SLC47A1: variants seen among roughly 807,000 people sequenced by gnomAD.
The protein encoded by SLC47A1 is solute carrier family 47 member 1.
In SLC47A1, 58 loss-of-function variants were observed where a neutral mutation model predicts 65.8. That is an observed-to-expected ratio of 0.88 (90% CI 0.71 to 1.10). SLC47A1 has a LOEUF of 1.10. Ranked by LOEUF, SLC47A1 falls within the 50% of genes least tolerant of loss-of-function variation. The probability of loss-of-function intolerance (pLI) is 0.00; values close to 1 mark genes in which losing one functional copy is unlikely to be tolerated. For missense variants in SLC47A1, 706 were observed against 719.2 expected (o/e 0.98, Z 0.21); for synonymous variants, 285 against 295.0 (o/e 0.97, Z 0.35).
chr17:19,547,863 C>T, intron 3 of SLC47A1, 122 bp from the exon 4 acceptor site: 4 of 1,059,948 alleles, frequency 3.8e-6, no homozygotes, highest in Non-Finnish European at 5.3e-6. Context: ...GCTGGGATTA[C>T]AGGCGTGAGC....
At chr17:19,565,686 T>C (rs761337097) in intron 12 of SLC47A1, among the ~76,000 whole-genome samples, 50 of 150,178 alleles carry the variant, frequency 3.3e-4, no homozygotes, top group Non-Finnish European at 6.3e-4. Context: ...GTTCACGCCA[T>C]TCTCCTGTCT....
chr17:19,575,812 C>A (rs1456865728), intron 16 of SLC47A1, among the ~76,000 whole-genome samples: 1 of 152,118 alleles, frequency 6.6e-6, no homozygotes, highest in Non-Finnish European at 1.5e-5. Context: ...CGATGGTTCA[C>A]TGAAAAATCA....
At chr17:19,575,589 C>G (rs1344281781) in intron 16 of SLC47A1, among the ~76,000 whole-genome samples, 1 of 151,964 alleles carries the variant, frequency 6.6e-6, no homozygotes, top group African/African-American at 2.4e-5. Flanking sequence ...TTGTAGAGAC[C>G]AGGTCTTGCT....
At chr17:19,534,728 G>A (rs925767465) in intron 1 of SLC47A1, 4 of 152,192 alleles carry the variant, frequency 2.6e-5, no homozygotes, top group African/African-American at 9.7e-5. Context: ...GGGTTTTAAT[G>A]TGGTTCTTTG....
At chr17:19,558,420 G>T (rs1345933387) in intron 10 of SLC47A1, among the ~76,000 whole-genome samples, 2 of 152,038 alleles carry the variant, frequency 1.3e-5, no homozygotes, top group Non-Finnish European at 2.9e-5. Context: ...ATCTGTCTCA[G>T]TGTTGGTGAT....
intron 2 of SLC47A1, among the ~76,000 whole-genome samples, chr17:19,546,166 G>A (rs1233165289): frequency 6.6e-6 from 1 of 152,102 alleles, no homozygotes; most frequent in Non-Finnish European, 1.5e-5. Flanking sequence ...GTTGCAGTGA[G>A]CCGAGATCGC....
At chr17:19,539,302 G>A (rs1190184282) in intron 1 of SLC47A1, among the ~76,000 whole-genome samples, 1 of 152,154 alleles carries the variant, frequency 6.6e-6, no homozygotes, top group Non-Finnish European at 1.5e-5. Flanking sequence ...GACATCTAGC[G>A]GAACAGGCCT....
At chr17:19,538,500 G>A (rs906473825) in intron 1 of SLC47A1, among the ~76,000 whole-genome samples, 1 of 152,242 alleles carries the variant, frequency 6.6e-6, no homozygotes, top group Non-Finnish European at 1.5e-5. Flanking sequence ...CCATTGCAAA[G>A]CTGAAAAATT....
At chr17:19,541,874 C>T (rs1482944509) in intron 1 of SLC47A1, among the ~76,000 whole-genome samples, 1 of 152,182 alleles carries the variant, frequency 6.6e-6, no homozygotes, top group Non-Finnish European at 1.5e-5. Flanking sequence ...CGCCTGTAAT[C>T]CCAGCACTTT....
chr17:19,566,145 ACT>A (rs1216238572), intron 12 of SLC47A1, among the ~76,000 whole-genome samples: 1 of 152,064 alleles, frequency 6.6e-6, no homozygotes, highest in Non-Finnish European at 1.5e-5. Context: ...TACTGTTGTT[ACT>A]CTCTTACTGT....
chr17:19,540,735 C>T (rs760071505), intron 1 of SLC47A1, among the ~76,000 whole-genome samples: 2 of 152,150 alleles, frequency 1.3e-5, no homozygotes, highest in African/African-American at 4.8e-5. Context: ...GCGCTCCTCA[C>T]GTTCAGTAGC....
chr17:19,534,453 T>C (rs1315711413), intron 1 of SLC47A1: 1 of 190,356 alleles, frequency 5.3e-6, no homozygotes, highest in Non-Finnish European at 1.1e-5. Context: ...GTGCCTTCTC[T>C]GGGAGCTGAT....
intron 12 of SLC47A1, among the ~76,000 whole-genome samples, chr17:19,563,225 C>T (rs184651839): frequency 7.1e-4 from 105 of 147,768 alleles, no homozygotes; most frequent in Admixed American, 1.6e-3. Flanking sequence ...CTCTGCCTCC[C>T]GGGTTCACGC....
intron 16 of SLC47A1, among the ~76,000 whole-genome samples, chr17:19,577,029 G>A (rs1432902599): frequency 1.3e-5 from 2 of 152,110 alleles, no homozygotes; most frequent in South Asian, 2.1e-4. Flanking sequence ...TTACAGGCAT[G>A]AGCCACCGCG....
chr17:19,565,791 C>T (rs745714677), intron 12 of SLC47A1, among the ~76,000 whole-genome samples: 8 of 151,948 alleles, frequency 5.3e-5, no homozygotes, highest in Non-Finnish European at 8.8e-5. Flanking sequence ...CCATGTTAGC[C>T]AGGATGGTCT....
chr17:19,551,516 C>T (rs773585813), intron 6 of SLC47A1, 48 bp downstream of exon 6: 48 of 1,555,192 alleles, frequency 3.1e-5, no homozygotes, highest in Non-Finnish European at 3.9e-5. Context: ...GGAGTTTGTA[C>T]CTTTCTGGGA....
chr17:19,578,102 G>A lies in SLC47A1; in HGVS notation c.*549G>A. On this transcript the variant is annotated 3_prime_UTR_variant, in exon 17 of 17. Coordinates refer to ENST00000270570, the MANE Select transcript of SLC47A1 (RefSeq NM_018242.3). ...GGCTTCAAGCAATCCTCCTGTGTCA[G>A]CCACCAGAGTAGCTGAGACTACAGG... 1.6e-6 allele frequency: 1 copy of A among 614,646 alleles called. No homozygotes were observed. The highest frequency in any genetic ancestry group is 2.7e-6 in the Non-Finnish European group (1 of 373,022). 38.1% of individuals were successfully genotyped at this position (614,646 alleles called of 1,614,324 possible).
intron 1 of SLC47A1, among the ~76,000 whole-genome samples, chr17:19,539,611 A>C (rs1195756839): frequency 3.3e-5 from 5 of 151,974 alleles, no homozygotes; most frequent in African/African-American, 1.2e-4. Context: ...CAGCCTCCCG[A>C]GTAGCTGGGA....
intron 1 of SLC47A1, chr17:19,534,712 A>G (rs1283454941): frequency 6.6e-6 from 1 of 152,238 alleles, no homozygotes; most frequent in African/African-American, 2.4e-5. Flanking sequence ...ATGTGAAAGA[A>G]AAAAGGGGTT....
Sources: allele counts gnomAD v4.1 joint callset (sites outside exome capture counted in the v4.1 genomes callset), GRCh38; gene constraint gnomAD v4.1.1; transcripts MANE v1.5; gene names NCBI Gene and HGNC (gene_info 2026-07-23, HGNC 2026-07-21).